ARHGAP15: variants seen among roughly 807,000 people sequenced by gnomAD.
ARHGAP15 encodes the protein rho GTPase-activating protein 15.
ARHGAP15 carries 51 observed loss-of-function variants against 63.7 expected under a neutral mutation model. That is an observed-to-expected ratio of 0.80 (90% confidence interval 0.64 to 1.01). The LOEUF is 1.01. ARHGAP15 is among the 50% of genes least tolerant of loss of function. The pLI is 0.00. For missense variants in ARHGAP15, 560 were observed against 564.6 expected (o/e 0.99, Z 0.08); for synonymous variants, 191 against 193.8 (o/e 0.99, Z 0.12).
At chr2:143,199,612 G>A (rs1434390271) in intron 2 of ARHGAP15, among the ~76,000 whole-genome samples, 1 of 152,016 alleles carries the variant, frequency 6.6e-6, no homozygotes, top group Non-Finnish European at 1.5e-5. Context: ...AACACTCCCT[G>A]GTTAATAGCC....
chr2:143,350,542 G>A (rs181570268), intron 6 of ARHGAP15, among the ~76,000 whole-genome samples: 1 of 151,668 alleles, frequency 6.6e-6, no homozygotes, highest in African/African-American at 2.4e-5. Context: ...TTTGTGGGCT[G>A]GGTGTGGTGG....
At chr2:143,489,384 TGG>T (rs1692475155) in intron 9 of ARHGAP15, among the ~76,000 whole-genome samples, 1 of 152,254 alleles carries the variant, frequency 6.6e-6, no homozygotes, top group Admixed American at 6.5e-5. Context: ...AGTAGGGCTA[TGG>T]AAAATCTATG....
chr2:143,136,304 T>G (rs1189182715), intron 1 of ARHGAP15, among the ~76,000 whole-genome samples: 2 of 152,222 alleles, frequency 1.3e-5, no homozygotes, highest in South Asian at 4.1e-4. Context: ...CTTTTTTTTT[T>G]CAGTCTAATA....
At chr2:143,740,391 G>A (rs1321215811) in intron 13 of ARHGAP15, among the ~76,000 whole-genome samples, 1 of 152,182 alleles carries the variant, frequency 6.6e-6, no homozygotes, top group African/African-American at 2.4e-5. Context: ...AGGTAGAAAT[G>A]TAGTGTCTCC....
At chr2:143,239,918 G>T (rs1693796206) in intron 5 of ARHGAP15, among the ~76,000 whole-genome samples, 1 of 147,702 alleles carries the variant, frequency 6.8e-6, no homozygotes, top group African/African-American at 2.5e-5. Context: ...TTGAACCCAG[G>T]AGGTGGTGGT....
intron 6 of ARHGAP15, among the ~76,000 whole-genome samples, chr2:143,286,910 G>A (rs1049813332): frequency 3.3e-5 from 5 of 152,022 alleles, no homozygotes; most frequent in African/African-American, 9.7e-5. Flanking sequence ...GGCATGTTAC[G>A]GCATTGATCT....
intron 9 of ARHGAP15, among the ~76,000 whole-genome samples, chr2:143,495,378 T>C (rs536977364): frequency 5.6e-4 from 85 of 152,330 alleles, no homozygotes; most frequent in Admixed American, 9.2e-4. Context: ...AAACATACAC[T>C]GATAACTTGG....
chr2:143,402,807 G>C (rs1688040287), intron 6 of ARHGAP15, among the ~76,000 whole-genome samples: 1 of 151,866 alleles, frequency 6.6e-6, no homozygotes, highest in Admixed American at 6.6e-5. Context: ...TAATAGAGTA[G>C]AGAAACATCA....
intron 5 of ARHGAP15, among the ~76,000 whole-genome samples, chr2:143,242,477 C>A (rs1693901887): frequency 6.6e-6 from 1 of 152,120 alleles, no homozygotes; most frequent in South Asian, 2.1e-4. Flanking sequence ...TTTATTCCAG[C>A]AAGATTTTGA....
intron 13 of ARHGAP15, among the ~76,000 whole-genome samples, chr2:143,764,369 T>A (rs904132240): frequency 1.3e-5 from 2 of 152,122 alleles, no homozygotes; most frequent in African/African-American, 4.8e-5. Flanking sequence ...CCTCCAACTC[T>A]TCCTTCTATA....
chr2:143,267,580 G>A lies in ARHGAP15; in HGVS notation c.474+16980G>A, dbSNP rs910077749. On this transcript the variant is annotated intron_variant, in intron 6 of 13. Transcript: ENST00000295095. ...ATTTTCTGAAGGTGACAAAAATGAG[G>A]TAAGGGTTGAAAAGTATTTGCTTTC... is the stretch of plus-strand genomic sequence containing the variant. Among the ~76,000 whole-genome samples the A allele has an allele frequency of 5.1e-4, 78 of 152,268 alleles. 1 individual carries two copies. The highest frequency in any genetic ancestry group is 7.8e-4 in the Non-Finnish European group (53 of 67,998).
chr2:143,737,011 T>G (rs1685770535), intron 13 of ARHGAP15, among the ~76,000 whole-genome samples: 1 of 152,244 alleles, frequency 6.6e-6, no homozygotes, highest in Admixed American at 6.5e-5. Flanking sequence ...TTTCATCAGT[T>G]TACATAATAT....
At chr2:143,130,179 T>C (rs760002519) in intron 1 of ARHGAP15, among the ~76,000 whole-genome samples, 5 of 152,144 alleles carry the variant, frequency 3.3e-5, no homozygotes, top group African/African-American at 4.8e-5. Flanking sequence ...TTGTTATTTA[T>C]GTAATTATAT....
chr2:143,723,961 G>A (rs1173220402), intron 13 of ARHGAP15, among the ~76,000 whole-genome samples: 1 of 152,046 alleles, frequency 6.6e-6, no homozygotes, highest in Non-Finnish European at 1.5e-5. Context: ...TCAGTATGAG[G>A]TTCCACAGTG....
At chr2:143,510,484 A>G (rs1693537075) in intron 9 of ARHGAP15, among the ~76,000 whole-genome samples, 2 of 152,224 alleles carry the variant, frequency 1.3e-5, no homozygotes, top group Admixed American at 6.5e-5. Flanking sequence ...TACCAGAGTT[A>G]GAAGACAGTC....
chr2:143,651,275 C>T (rs763310918), intron 12 of ARHGAP15, among the ~76,000 whole-genome samples: 14 of 152,028 alleles, frequency 9.2e-5, no homozygotes, highest in African/African-American at 1.7e-4. Context: ...TGTTTCCCCA[C>T]GCCCTTTCAT....
At chr2:143,143,691 A>C (rs1689468173) in intron 1 of ARHGAP15, among the ~76,000 whole-genome samples, 1 of 151,908 alleles carries the variant, frequency 6.6e-6, no homozygotes, top group Admixed American at 6.6e-5. Flanking sequence ...ATAAGAGTAC[A>C]TGCTAAGCCA....
intron 6 of ARHGAP15, among the ~76,000 whole-genome samples, chr2:143,335,391 C>T (rs913577971): frequency 2.0e-5 from 3 of 151,966 alleles, no homozygotes; most frequent in East Asian, 1.9e-4. Context: ...ATGTGAAAAC[C>T]GTTTTAGATG....
At chr2:143,492,217 C>G (rs970255905) in intron 9 of ARHGAP15, among the ~76,000 whole-genome samples, 1 of 152,100 alleles carries the variant, frequency 6.6e-6, no homozygotes, top group African/African-American at 2.4e-5. Context: ...TACTTACAGT[C>G]AAATACAGCT....
Sources: gnomAD v4.1 joint callset for allele counts (sites outside exome capture counted in the v4.1 genomes callset) on GRCh38, gnomAD v4.1.1 for gene constraint, MANE v1.5 for transcripts, NCBI Gene and HGNC (gene_info 2026-07-23, HGNC 2026-07-21) for gene names.